LPA: variants seen among roughly 807,000 people sequenced by gnomAD.
The protein encoded by LPA is lipoprotein(a), also known as apolipoprotein(a).
A neutral mutation model predicts 197.9 loss-of-function variants in LPA; 199 were observed. The observed-to-expected ratio is 1.01, with a 90% confidence interval of 0.90 to 1.13. The LOEUF (loss-of-function observed/expected upper bound fraction) is 1.13, where lower values mean the gene tolerates loss of function less well. LPA is among the 50% of genes most tolerant of loss of function. The pLI is 0.00. For synonymous variants in LPA, 715 were observed against 639.5 expected, an observed-to-expected ratio of 1.12 and a Z score of -1.78; for missense variants, 1,853 against 1,785.8, an observed-to-expected ratio of 1.04 and a Z score of -0.68.
chr6:160,540,709 C>T (rs1777967867), intron 35 of LPA, among the ~76,000 whole-genome samples: 2 of 152,220 alleles, frequency 1.3e-5, no homozygotes, highest in South Asian at 2.1e-4. Flanking sequence ...CAGCATCCTG[C>T]TTCCTGTAAA....
rs1019235410 is a variant in LPA, at chr6:160,537,893, C to T, written c.5804G>A (p.Arg1935Lys). 4 of 1,614,130 alleles carry T rather than the reference C, an allele frequency of 2.5e-6. No individual in the cohort carries two copies. The African/African-American group carries it at 5.3e-5, about 22-fold the overall frequency. ...CCAGCCAGTGATGTAACATTCAGTC[C>T]TGGCGGTGACCATGTAGTCTGGGGA... ...LPSPDYMVTARTECYITGWGE... is the reference protein window; with the variant it reads ...LPSPDYMVTAKTECYITGWGE... The change falls in exon 37 of 39, where the codon AGG becomes AAG. Residue 1935 changes from arginine (R) to lysine (K), a missense_variant. Arg to Lys is a conservative substitution (Grantham distance 26). This residue lies in a region of LPA where 1,737 missense variants were observed against 1,504.4 expected (regional missense o/e 1.15). Transcript: ENST00000316300.
At position 160,589,025 on chromosome 6, in the gene LPA, C is replaced by A. The variant is rs372671258; in HGVS notation, c.3947+528G>T. Among the ~76,000 whole-genome samples, 19 of 152,360 alleles carry A rather than the reference C, an allele frequency of 1.2e-4. No homozygotes were observed. In the East Asian group the frequency reaches 2.1e-3, roughly 17 times the overall value. On this transcript the variant is annotated intron_variant, in intron 24 of 38. Transcript: ENST00000316300. The stretch of plus-strand genomic sequence containing the variant: ...CTTCCTGACTCTCAGCTGCCTTCCT[C>A]CTTTTGCCCCTCATGGGCTGGCAAC...
At chr6:160,540,256 G>A (rs1777960636) in intron 35 of LPA, 73 bp from the exon 36 acceptor site, 1 of 1,591,940 alleles carries the variant, frequency 6.3e-7, no homozygotes, top group African/African-American at 1.3e-5. Flanking sequence ...CATGAACTTG[G>A]CGCTGTCCCT....
chr6:160,551,475 C>T (rs941710960), intron 30 of LPA, among the ~76,000 whole-genome samples: 4 of 152,176 alleles, frequency 2.6e-5, no homozygotes, highest in African/African-American at 7.2e-5. Flanking sequence ...TTTTTCTTCT[C>T]ATGTGTTACT....
intron 25 of LPA, 67 bp downstream of exon 25, chr6:160,586,382 C>G (rs1378545718): frequency 6.3e-7 from 1 of 1,577,488 alleles, no homozygotes; most frequent in African/African-American, 1.4e-5. Context: ...TTCTGCATCA[C>G]AAAGATTTTG....
intron 1 of LPA, 60 bp downstream of exon 1, chr6:160,664,106 A>G: frequency 7.0e-7 from 1 of 1,436,828 alleles, no homozygotes; most frequent in Non-Finnish European, 9.7e-7. Flanking sequence ...TGGCATATGT[A>G]TTTTTACTAC....
chr6:160,547,331 C>G (rs1289760673), intron 32 of LPA, among the ~76,000 whole-genome samples: 1 of 152,158 alleles, frequency 6.6e-6, no homozygotes, highest in African/African-American at 2.4e-5. Context: ...AGGGTTTGTG[C>G]TATGATAATC....
intron 34 of LPA, among the ~76,000 whole-genome samples, chr6:160,542,272 T>A (rs1411368747): frequency 6.6e-6 from 1 of 152,156 alleles, no homozygotes; most frequent in East Asian, 1.9e-4. Flanking sequence ...TAAAAAAAAA[T>A]CTGTGCCTGT....
chr6:160,538,636 GA>G lies in LPA; in HGVS notation c.5736-676del, dbSNP rs371535243. 3.4e-3 allele frequency among the ~76,000 whole-genome samples: 522 copies of G among 152,300 alleles called. 5 individuals carry two copies. The highest frequency in any genetic ancestry group is 0.012 in the African/African-American group (515 of 41,550). ...TTCAAGGGGATAAAGGAATGGAAAT[GA>G]GAAATGCCGTATTCTGACCAAAAAT... On this transcript the variant is annotated intron_variant, in intron 36 of 38. Transcript: ENST00000316300.
chr6:160,577,261 G>A lies in LPA; in HGVS notation c.4506C>T (p.Cys1502=), dbSNP rs1778702883. 2 of 1,613,714 alleles carry A rather than the reference G, an allele frequency of 1.2e-6. No homozygotes were observed. Among genetic ancestry groups the A allele is most frequent in the East Asian group, 2.2e-5 (1 of 44,882 alleles). Residue 1502 remains cysteine (C), a synonymous_variant, in exon 28 of 39, where the codon TGC becomes TGT. Transcript: ENST00000316300. ...GATAACTCCGTCCATCACCATGGTA[G>A]CAATCCTGGACCACAGGGCTTTTCT... ...PPEKSPVVQD[C]YHGDGRSYRG...
chr6:160,647,639 C>T (rs1779922577), intron 2 of LPA, among the ~76,000 whole-genome samples: 5 of 152,044 alleles, frequency 3.3e-5, no homozygotes, highest in Admixed American at 2.6e-4. Flanking sequence ...TTTGTGATTG[C>T]TCTAGGATTT....
chr6:160,545,503 C>A lies in LPA; in HGVS notation c.5335G>T (p.Gly1779Cys). 6.2e-7 allele frequency: 1 copy of A among 1,613,220 alleles called. No homozygotes were observed. The highest frequency in any genetic ancestry group is 8.5e-7 in the Non-Finnish European group (1 of 1,179,468). Residue 1779 changes from glycine to cysteine, a missense_variant, in exon 33 of 39, where the codon GGT becomes TGT. By Grantham distance (159) the Gly-to-Cys change is radical. This residue lies in a region of LPA where 1,737 missense variants were observed against 1,504.4 expected (regional missense o/e 1.15). Transcript: ENST00000316300. ...GGATTCATTGTGTAGCACCAGGGAC[C>A]ATTGATGTCACCATCAGGGTTACGG... ...YCRNPDGDIN[G>C]PWCYTMNPRK...
At chr6:160,584,237 T>TTCTTCCTCC (rs1554235539) in intron 26 of LPA, among the ~76,000 whole-genome samples, 1,325 of 68,598 alleles carry the variant, frequency 0.019, 12 homozygotes, top group East Asian at 0.053. Flanking sequence ...CTTCTTCTTC[T>TTCTTCCTCC]TCCTCCTCCT....
chr6:160,590,915 G>C, intron 23 of LPA, 29 bp downstream of exon 23: 1 of 1,613,724 alleles, frequency 6.2e-7, no homozygotes, highest in Non-Finnish European at 8.5e-7. Flanking sequence ...ACGTCCAAGG[G>C]TGTGGTTGTC....
At chr6:160,585,240 C>T (rs776757222) in intron 25 of LPA, 35 bp from the exon 26 acceptor site, 17 of 1,611,550 alleles carry the variant, frequency 1.1e-5, no homozygotes, top group East Asian at 6.7e-5. Context: ...CTCAGTATTG[C>T]CTAGAAAAGG....
intron 35 of LPA, 37 bp downstream of exon 35, chr6:160,541,070 A>T (rs1777973661): frequency 6.3e-7 from 1 of 1,581,036 alleles, no homozygotes; most frequent in African/African-American, 1.3e-5. Context: ...AAAAGTCTTG[A>T]AGATAAGACC....
chr6:160,568,592 T>C (rs1778505862), intron 28 of LPA, among the ~76,000 whole-genome samples: 1 of 152,160 alleles, frequency 6.6e-6, no homozygotes, highest in African/African-American at 2.4e-5. Flanking sequence ...AGGGATGCCC[T>C]CTCTCACCAC....
rs760611402 is a variant in LPA at position 160,585,108 on chromosome 6, AC to A, written c.4226del (p.Cys1409PhefsTer7). Reference protein sequence around the residue: ...TLSTTITGRTCQSWSSMTPHW... With the variant: ...TLSTTITGRTXQSWSSMTPHW... ...GTGGTGTCATAGACGACCAAGACTG[AC>A]ATGTTCTTCCTGTGATAGTGGTGGA... On this transcript the variant is annotated frameshift_variant, in exon 26 of 39. Transcript: ENST00000316300. LOFTEE classifies it high-confidence loss of function. The A allele has an allele frequency of 6.8e-6, 11 of 1,613,740 alleles. No homozygotes were observed. In the African/African-American group the frequency reaches 1.2e-4, roughly 18 times the overall value.
intron 17 of LPA, among the ~76,000 whole-genome samples, 173 bp downstream of exon 17, chr6:160,606,304 A>G (rs1779349471): frequency 1.3e-5 from 2 of 152,152 alleles, no homozygotes; most frequent in African/African-American, 2.4e-5. Context: ...GTTGTACCAG[A>G]AATCAATCCG....
Sources: allele counts gnomAD v4.1 joint callset (sites outside exome capture counted in the v4.1 genomes callset), GRCh38; gene constraint gnomAD v4.1.1; regional missense constraint gnomAD v4.1.1; transcripts MANE v1.5; gene names NCBI Gene and HGNC (gene_info 2026-07-23, HGNC 2026-07-21).